The following ADK variants were observed in gnomAD, a reference collection of about 807,000 sequenced individuals.
The protein encoded by ADK is adenosine kinase, also known as N6,N6-dimethyladenosine kinase.
A neutral mutation model predicts 44.7 loss-of-function variants in ADK; 24 were observed. The ratio of observed to expected loss-of-function variants is 0.54; its 90% CI spans 0.39 to 0.76. The LOEUF is 0.76. Among genes scored for constraint, ADK ranks in the 30% least tolerant of loss-of-function variants. The pLI is 0.00. For missense variants in ADK, 321 were observed against 425.1 expected, an observed-to-expected ratio of 0.76 and a Z score of 2.15; for synonymous variants, 128 against 142.6, an observed-to-expected ratio of 0.90 and a Z score of 0.73.
At chr10:74,154,116 T>C (rs1346278458) in intron 1 of ADK, among the ~76,000 whole-genome samples, 2 of 152,142 alleles carry the variant, frequency 1.3e-5, no homozygotes, top group South Asian at 2.1e-4. Flanking sequence ...GAAAGTTTGT[T>C]TGGTGGCAGA....
intron 6 of ADK, among the ~76,000 whole-genome samples, chr10:74,442,553 G>A (rs1481746839): frequency 6.6e-6 from 1 of 152,182 alleles, no homozygotes; most frequent in Non-Finnish European, 1.5e-5. Context: ...AGCTGCGGCA[G>A]GAGAATCGCT....
chr10:74,396,706 C>T (rs1166912910), intron 5 of ADK, among the ~76,000 whole-genome samples: 1 of 150,980 alleles, frequency 6.6e-6, no homozygotes, highest in Admixed American at 6.7e-5. Context: ...GTAATCCCAG[C>T]ACTTTGGGAG....
chr10:74,278,289 A>T lies in ADK; in HGVS notation c.195-36378A>T, dbSNP rs375373147. Among the ~76,000 whole-genome samples the T allele has an allele frequency of 3.4e-5, 5 of 148,174 alleles. 1 individual carries two copies. Among genetic ancestry groups the T allele is most frequent in the African/African-American group, 1.2e-4 (5 of 40,632 alleles). On this transcript the variant is annotated intron_variant, in intron 3 of 10. Coordinates refer to ENST00000539909, the MANE Select transcript of ADK (RefSeq NM_006721.4). ...GAACTGCGTGATCCTGAGAGGTGGA[A>T]GTTGCAGTGAGCTGAGATTGCACCA... is the stretch of plus-strand genomic sequence containing the variant.
chr10:74,550,964 A>G (rs1439169732), intron 7 of ADK, among the ~76,000 whole-genome samples: 2 of 152,132 alleles, frequency 1.3e-5, no homozygotes, highest in East Asian at 1.9e-4. Flanking sequence ...CAGCCTCCCA[A>G]GTAGTTGGAT....
At chr10:74,355,060 C>A (rs867257028) in intron 4 of ADK, among the ~76,000 whole-genome samples, 1 of 152,118 alleles carries the variant, frequency 6.6e-6, no homozygotes, top group African/African-American at 2.4e-5. Flanking sequence ...CAGGGTCTTG[C>A]TCTGTCTCCT....
intron 10 of ADK, 129 bp downstream of exon 10, chr10:74,670,398 C>T: frequency 1.4e-6 from 1 of 726,570 alleles, no homozygotes; most frequent in Non-Finnish European, 2.4e-6. Flanking sequence ...TTCTGAAGTT[C>T]TTTCCATATA....
intron 10 of ADK, among the ~76,000 whole-genome samples, chr10:74,686,842 T>C (rs773976883): frequency 6.6e-6 from 1 of 151,930 alleles, no homozygotes; most frequent in Admixed American, 6.6e-5. Flanking sequence ...CACGCCCGGC[T>C]AATTTTTTGT....
At chr10:74,289,034 A>G (rs1359216536) in intron 3 of ADK, among the ~76,000 whole-genome samples, 2 of 152,222 alleles carry the variant, frequency 1.3e-5, no homozygotes, top group African/African-American at 4.8e-5. Flanking sequence ...AGCAGCTCAC[A>G]CACTTCAGAG....
chr10:74,187,842 G>C (rs992756942), intron 1 of ADK, among the ~76,000 whole-genome samples: 1 of 151,982 alleles, frequency 6.6e-6, no homozygotes, highest in African/African-American at 2.4e-5. Context: ...AGATAGCTGT[G>C]GGTCTTTTCT....
At chr10:74,305,990 G>T (rs1387046798) in intron 3 of ADK, among the ~76,000 whole-genome samples, 1 of 151,956 alleles carries the variant, frequency 6.6e-6, no homozygotes, top group East Asian at 1.9e-4. Context: ...CTCCCAAAAT[G>T]CTGAGATTAT....
chr10:74,301,398 C>T (rs781260354), intron 3 of ADK, among the ~76,000 whole-genome samples: 4 of 151,368 alleles, frequency 2.6e-5, no homozygotes, highest in African/African-American at 9.7e-5. Context: ...CCTGTAGTCT[C>T]AGCTTCTCGG....
intron 7 of ADK, among the ~76,000 whole-genome samples, chr10:74,573,793 C>A (rs959234552): frequency 6.6e-6 from 1 of 152,182 alleles, no homozygotes; most frequent in Non-Finnish European, 1.5e-5. Context: ...ACTCCATGGG[C>A]GTAGGACCCT....
At chr10:74,422,806 G>A (rs1328463476) in intron 6 of ADK, among the ~76,000 whole-genome samples, 1 of 152,164 alleles carries the variant, frequency 6.6e-6, no homozygotes, top group Admixed American at 6.5e-5. Flanking sequence ...AGTCAGAACA[G>A]GGTTTAGTGC....
chr10:74,190,852 G>A (rs1842930644), intron 1 of ADK, among the ~76,000 whole-genome samples: 1 of 152,160 alleles, frequency 6.6e-6, no homozygotes, highest in Non-Finnish European at 1.5e-5. Context: ...ATGGGAATAA[G>A]GCATGTTAAA....
chr10:74,177,945 A>ATATATATATATATATT (rs10693309), intron 1 of ADK, among the ~76,000 whole-genome samples: 6 of 108,966 alleles, frequency 5.5e-5, no homozygotes, highest in Admixed American at 3.2e-4. Flanking sequence ...ATATATATAT[A>ATATATATATATATATT]TTTTTTTTTT....
At chr10:74,615,726 T>G (rs976738512) in intron 9 of ADK, among the ~76,000 whole-genome samples, 3 of 152,178 alleles carry the variant, frequency 2.0e-5, no homozygotes, top group Non-Finnish European at 4.4e-5. Context: ...TTTGTTTTTT[T>G]GAGATGGAGC....
chr10:74,315,273 A>G (rs1056070773), intron 4 of ADK, among the ~76,000 whole-genome samples: 6 of 152,208 alleles, frequency 3.9e-5, no homozygotes, highest in African/African-American at 1.4e-4. Flanking sequence ...ATCTATATAC[A>G]TAAATGTACA....
At chr10:74,295,147 C>T (rs1288504425) in intron 3 of ADK, among the ~76,000 whole-genome samples, 1 of 151,980 alleles carries the variant, frequency 6.6e-6, no homozygotes, top group Non-Finnish European at 1.5e-5. Flanking sequence ...CAAGCCACCA[C>T]GTCCGGCCTG....
intron 1 of ADK, among the ~76,000 whole-genome samples, chr10:74,177,365 A>G (rs1842381932): frequency 6.6e-6 from 1 of 151,998 alleles, no homozygotes; most frequent in African/African-American, 2.4e-5. Context: ...GTGTCTCTAA[A>G]ATGTTTGCTC....
Sources: gnomAD v4.1 joint callset for allele counts (sites outside exome capture counted in the v4.1 genomes callset) on GRCh38, gnomAD v4.1.1 for gene constraint, MANE v1.5 for transcripts, NCBI Gene and HGNC (gene_info 2026-07-23, HGNC 2026-07-21) for gene names.